The following SOS1 variants were observed in gnomAD, a reference collection of about 807,000 sequenced individuals.
SOS1 encodes the protein son of sevenless homolog 1.
SOS1 carries 25 observed loss-of-function variants against 157.6 expected under a neutral mutation model. That is an observed-to-expected ratio of 0.16 (90% CI 0.12 to 0.22). The LOEUF is 0.22. SOS1 is among the 10% of genes least tolerant of loss of function. SOS1 has a pLI of 1.00. For missense variants in SOS1, 1,237 were observed against 1,599.1 expected, an observed-to-expected ratio of 0.77 and a Z score of 3.86; for synonymous variants, 528 against 534.0, an observed-to-expected ratio of 0.99 and a Z score of 0.16.
upstream of SOS1, among the ~76,000 whole-genome samples, chr2:39,122,690 C>A (rs992886222): frequency 6.6e-6 from 1 of 152,092 alleles, no homozygotes; most frequent in East Asian, 1.9e-4. Context: ...GAATTATAGG[C>A]GCCTGCCACC....
chr2:39,072,230 G>A (rs752604408), intron 1 of SOS1, among the ~76,000 whole-genome samples: 3 of 152,124 alleles, frequency 2.0e-5, no homozygotes, highest in Non-Finnish European at 4.4e-5. Flanking sequence ...TCCCTTGTCT[G>A]TTTCCTTTTT....
At chr2:39,040,375 T>C (rs1002878843) in intron 6 of SOS1, among the ~76,000 whole-genome samples, 7 of 152,192 alleles carry the variant, frequency 4.6e-5, no homozygotes, top group Admixed American at 2.6e-4. Context: ...TAGCCATTTT[T>C]ACGTGTACAA....
intron 1 of SOS1, among the ~76,000 whole-genome samples, chr2:39,114,598 G>A (rs954944668): frequency 1.3e-5 from 2 of 151,846 alleles, no homozygotes; most frequent in African/African-American, 2.4e-5. Context: ...CACCTGGCCC[G>A]GCTGATTTGT....
chr2:39,024,210 A>T, intron 8 of SOS1, 73 bp from the exon 9 acceptor site: 1 of 1,199,872 alleles, frequency 8.3e-7, no homozygotes, highest in Non-Finnish European at 1.2e-6. Flanking sequence ...TCATTTAAGG[A>T]TAAAAATAAC....
At chr2:38,993,063 C>T (rs1668780702) in intron 20 of SOS1, 1 of 150,642 alleles carries the variant, frequency 6.6e-6, no homozygotes, top group African/African-American at 2.4e-5. Flanking sequence ...CAGCGAGACC[C>T]TATCTCTACC....
At chr2:39,110,642 T>C (rs574350328) in intron 1 of SOS1, among the ~76,000 whole-genome samples, 1 of 152,294 alleles carries the variant, frequency 6.6e-6, no homozygotes, top group South Asian at 2.1e-4. Context: ...ATTCCTACCT[T>C]GTATCACAAC....
intron 8 of SOS1, among the ~76,000 whole-genome samples, chr2:39,031,707 G>C (rs975264744): frequency 6.6e-6 from 1 of 152,244 alleles, no homozygotes; most frequent in African/African-American, 2.4e-5. Flanking sequence ...CTGGGCGACA[G>C]AGTGAGACTC....
intron 6 of SOS1, among the ~76,000 whole-genome samples, chr2:39,045,855 C>T (rs1287905184): frequency 6.6e-6 from 1 of 152,088 alleles, no homozygotes; most frequent in African/African-American, 2.4e-5. Flanking sequence ...ATTACAGGTG[C>T]ACACCACCAT....
chr2:39,022,817 C>G lies in SOS1; in HGVS notation c.1611G>C (p.Trp537Cys), dbSNP rs1669840564. ...SAKSAEEKNN[W>C]MAALISLQYR... ...ACTGTAAAGATATCAATGCTGCCATCCAATTGTTTTTCTCTTCAGCTGACT... is the reference window on the plus strand; with the variant it reads ...ACTGTAAAGATATCAATGCTGCCATGCAATTGTTTTTCTCTTCAGCTGACT... Residue 537 changes from tryptophan to cysteine, a missense_variant, in exon 10 of 23, where the codon TGG (tryptophan) becomes TGC (cysteine). Physicochemically the swap from Trp to Cys is radical, Grantham distance 215. This residue lies in a region of SOS1 where 210 missense variants were observed against 220.2 expected (regional missense o/e 0.95). Transcript: ENST00000402219. 1.9e-6 allele frequency: 3 copies of G among 1,613,638 alleles called. No individual in the cohort carries two copies. Among genetic ancestry groups the G allele is most frequent in the Non-Finnish European group, 2.5e-6 (3 of 1,179,674 alleles).
chr2:39,001,813 C>CTACCTTAAAGGAGCAGAGGCTCAG (rs1669109631), intron 17 of SOS1, among the ~76,000 whole-genome samples: 1 of 152,138 alleles, frequency 6.6e-6, no homozygotes, highest in Non-Finnish European at 1.5e-5. Flanking sequence ...TGTAGATAAA[C>CTACCTTAAAGGAGCAGAGGCTCAG]TACCTTAAAG....
chr2:39,011,912 TA>T (rs1210247821), intron 14 of SOS1, among the ~76,000 whole-genome samples: 2 of 152,046 alleles, frequency 1.3e-5, no homozygotes, highest in African/African-American at 4.8e-5. Flanking sequence ...CCTTACCAAC[TA>T]GGGGTGAACA....
At chr2:38,994,381 C>T (rs530213821) in intron 20 of SOS1, among the ~76,000 whole-genome samples, 1 of 152,234 alleles carries the variant, frequency 6.6e-6, no homozygotes, top group East Asian at 1.9e-4. Flanking sequence ...TTTCGCTGCA[C>T]TGAAAAGCAC....
At chr2:39,093,487 G>A (rs1365634625) in intron 1 of SOS1, among the ~76,000 whole-genome samples, 1 of 152,046 alleles carries the variant, frequency 6.6e-6, no homozygotes, top group African/African-American at 2.4e-5. Flanking sequence ...AAGTATATAA[G>A]CAGTTCTGTT....
chr2:39,091,467 C>T (rs1168393145), intron 1 of SOS1, among the ~76,000 whole-genome samples: 2 of 151,976 alleles, frequency 1.3e-5, no homozygotes, highest in East Asian at 1.9e-4. Flanking sequence ...TCTATAAGCC[C>T]CTTAACTCTT....
chr2:39,092,249 GA>G (rs1672622902), intron 1 of SOS1, among the ~76,000 whole-genome samples: 1 of 152,044 alleles, frequency 6.6e-6, no homozygotes, highest in African/African-American at 2.4e-5. Flanking sequence ...ACTCAGGCTG[GA>G]GTGTAGTGGG....
intron 20 of SOS1, among the ~76,000 whole-genome samples, chr2:38,991,602 C>T (rs1452833297): frequency 6.6e-6 from 1 of 152,208 alleles, no homozygotes; most frequent in East Asian, 1.9e-4. Flanking sequence ...AGGTGTGGAG[C>T]AGGGCTTTGA....
intron 9 of SOS1, chr2:39,023,802 C>T: frequency 1.9e-6 from 1 of 524,202 alleles, no homozygotes. Context: ...GAGGTCTTGT[C>T]TGGGAGTATG....
chr2:39,087,371 C>T (rs2148181256), intron 1 of SOS1, among the ~76,000 whole-genome samples: 1 of 152,290 alleles, frequency 6.6e-6, no homozygotes, highest in African/African-American at 2.4e-5. Context: ...ATGATAACAG[C>T]CATGTTTACA....
At chr2:39,051,776 C>T (rs900370225) in intron 5 of SOS1, among the ~76,000 whole-genome samples, 3 of 152,074 alleles carry the variant, frequency 2.0e-5, no homozygotes, top group East Asian at 1.9e-4. Context: ...TCTAACATAG[C>T]GTACTAGAAG....
Sources: gnomAD v4.1 joint callset for allele counts (sites outside exome capture counted in the v4.1 genomes callset) on GRCh38, gnomAD v4.1.1 for gene constraint, gnomAD v4.1.1 regional missense constraint, MANE v1.5 for transcripts, NCBI Gene and HGNC (gene_info 2026-07-23, HGNC 2026-07-21) for gene names.